Variants in DDR2 observed in about 807,000 individuals in gnomAD.
DDR2 encodes the protein discoidin domain receptor tyrosine kinase 2, also known as discoidin domain-containing receptor 2.
DDR2 carries 27 observed loss-of-function variants against 94.9 expected under a neutral mutation model. The ratio of observed to expected loss-of-function variants is 0.28; its 90% CI spans 0.21 to 0.39. The LOEUF (loss-of-function observed/expected upper bound fraction) is 0.39. Among genes scored for constraint, DDR2 ranks in the 10% least tolerant of loss-of-function variants. The pLI, the probability that DDR2 is intolerant of heterozygous loss-of-function variation, is 1.00. For missense variants in DDR2, 783 were observed against 1,076.0 expected (o/e 0.73, Z 3.81); for synonymous variants, 382 against 377.2 (o/e 1.01, Z -0.15).
At chr1:162,705,933 T>G (rs574007828) in intron 2 of DDR2, among the ~76,000 whole-genome samples, 22 of 152,218 alleles carry the variant, frequency 1.4e-4, no homozygotes, top group Non-Finnish European at 2.6e-4. Flanking sequence ...ATGCAAAATA[T>G]TCTTGCCCTT....
chr1:162,756,201 T>C (rs1437648624), intron 7 of DDR2, among the ~76,000 whole-genome samples: 1 of 152,182 alleles, frequency 6.6e-6, no homozygotes, highest in Non-Finnish European at 1.5e-5. Flanking sequence ...CTTTGAAATT[T>C]GTAAAAAGGG....
In DDR2 at chr1:162,780,393, C is replaced by A; in HGVS notation, c.*147C>A. ...CTTTGCCCTCTTTTCCTGGTCACCC[C>A]CACTCCCTACCCCTGACTCATATAC... On this transcript the variant is annotated 3_prime_UTR_variant, in exon 18 of 18. Coordinates refer to ENST00000367921, the MANE Select transcript of DDR2 (RefSeq NM_006182.4). 8.5e-7 allele frequency: 1 copy of A among 1,177,464 alleles called. No homozygotes were observed. Among genetic ancestry groups the A allele is most frequent in the Non-Finnish European group, 1.2e-6 (1 of 818,174 alleles). The allele number at this position is 1,177,464 out of a possible 1,614,324, so 72.9% of individuals were successfully genotyped here.
At chr1:162,773,906 A>C (rs1268638346) in intron 14 of DDR2, among the ~76,000 whole-genome samples, 1 of 152,072 alleles carries the variant, frequency 6.6e-6, no homozygotes, top group African/African-American at 2.4e-5. Flanking sequence ...TTTGGTCTTT[A>C]TACACAGACA....
chr1:162,734,414 C>T (rs1277467896), intron 3 of DDR2, among the ~76,000 whole-genome samples: 3 of 152,196 alleles, frequency 2.0e-5, no homozygotes, highest in African/African-American at 7.2e-5. Flanking sequence ...ATTGGAGATA[C>T]AACAGAGGAA....
intron 14 of DDR2, among the ~76,000 whole-genome samples, chr1:162,774,105 A>G (rs1163352577): frequency 3.3e-5 from 5 of 151,474 alleles, no homozygotes; most frequent in African/African-American, 1.2e-4. Flanking sequence ...TTGGAAAATT[A>G]TCTATGAACC....
chr1:162,738,119 G>T (rs1250108561), intron 3 of DDR2, among the ~76,000 whole-genome samples: 2 of 144,934 alleles, frequency 1.4e-5, no homozygotes, highest in Admixed American at 1.4e-4. Context: ...CAATCAGGCA[G>T]GAGAAGGAAA....
At chr1:162,671,436 G>A (rs1340203847) in intron 2 of DDR2, among the ~76,000 whole-genome samples, 1 of 152,156 alleles carries the variant, frequency 6.6e-6, no homozygotes, top group African/African-American at 2.4e-5. Flanking sequence ...ATTTCCCGAG[G>A]GTTACCATGT....
At chr1:162,681,597 C>A (rs12405522) in intron 2 of DDR2, among the ~76,000 whole-genome samples, 25,028 of 152,080 alleles carry the variant, frequency 0.16, 2,799 homozygotes, top group African/African-American at 0.28. Context: ...AAAGTGCCAG[C>A]AGATTTGGTG....
chr1:162,689,350 A>G (rs1042765718), intron 2 of DDR2, among the ~76,000 whole-genome samples: 3 of 152,170 alleles, frequency 2.0e-5, no homozygotes, highest in Non-Finnish European at 4.4e-5. Context: ...TATTAAGCTT[A>G]TTTTATAACT....
chr1:162,680,277 A>C (rs1659340496), intron 2 of DDR2, among the ~76,000 whole-genome samples: 1 of 152,188 alleles, frequency 6.6e-6, no homozygotes, highest in Non-Finnish European at 1.5e-5. Context: ...TTTACATTTA[A>C]GTCTTTAATC....
rs774169610 is a variant in DDR2, at chr1:162,784,849, G to A, written c.*4603G>A. The A allele has an allele frequency of 3.3e-5, 5 of 152,040 alleles. No homozygotes were observed. Among genetic ancestry groups the A allele is most frequent in the Non-Finnish European group, 4.4e-5 (3 of 68,010 alleles). 9.4% of individuals were successfully genotyped at this position (152,040 alleles called of 1,614,324 possible). A position where few individuals can be genotyped will look rare whatever the true frequency, so the allele number is the denominator to read the frequency against. ...TTTTCGGAACCAGAAAATTAACATT[G>A]GCATAATGCTATTAACTAAACTACA... On this transcript the variant is annotated 3_prime_UTR_variant, in exon 18 of 18. Transcript: ENST00000367921.
chr1:162,731,922 C>A (rs1424913415), intron 3 of DDR2, among the ~76,000 whole-genome samples: 1 of 152,192 alleles, frequency 6.6e-6, no homozygotes, highest in Non-Finnish European at 1.5e-5. Context: ...TTCTTCACTC[C>A]TGATCTGCAT....
At chr1:162,761,496 A>T (rs763668578) in intron 9 of DDR2, 42 bp downstream of exon 9, 1 of 1,613,980 alleles carries the variant, frequency 6.2e-7, no homozygotes, top group South Asian at 1.1e-5. Context: ...GAGCAAGGTG[A>T]TGAAGGAGGA....
At chr1:162,715,974 G>A (rs1475646671) in intron 2 of DDR2, among the ~76,000 whole-genome samples, 2 of 152,166 alleles carry the variant, frequency 1.3e-5, no homozygotes, top group East Asian at 3.8e-4. Context: ...ACACTTAGTA[G>A]GTTTGGCTTA....
In DDR2 at chr1:162,653,492, G is replaced by A. The variant is rs1187927543; in HGVS notation, c.-191-1719G>A. On this transcript the variant is annotated intron_variant, in intron 1 of 17. Coordinates refer to ENST00000367921, the MANE Select transcript of DDR2 (RefSeq NM_006182.4). ...CTTAGGAAGCTGAGGCATGAGAATCGCTTGAACCCGAGAGGCGGAGGTTGC... is the reference window on the plus strand; with the variant it reads ...CTTAGGAAGCTGAGGCATGAGAATCACTTGAACCCGAGAGGCGGAGGTTGC... Among the ~76,000 whole-genome samples the A allele has an allele frequency of 3.9e-5, 6 of 151,932 alleles. No individual in the cohort carries two copies. The East Asian group carries it at 9.7e-4, about 24-fold the overall frequency.
At chr1:162,658,829 A>AAATAAAGAAATAAATAAATAAAT (rs60623253) in intron 2 of DDR2, among the ~76,000 whole-genome samples, 1 of 133,622 alleles carries the variant, frequency 7.5e-6, no homozygotes. Context: ...CCTGTCTCAA[A>AAATAAAGAAATAAATAAATAAAT]AAATAAATAA....
chr1:162,711,800 A>G (rs1419362363), intron 2 of DDR2, among the ~76,000 whole-genome samples: 1 of 140,754 alleles, frequency 7.1e-6, no homozygotes, highest in Non-Finnish European at 1.5e-5. Flanking sequence ...ATACATATAT[A>G]CACACACATG....
chr1:162,744,630 T>A (rs560535558), intron 3 of DDR2, among the ~76,000 whole-genome samples: 45 of 152,298 alleles, frequency 3.0e-4, no homozygotes, highest in Non-Finnish European at 5.6e-4. Context: ...AACCATCATC[T>A]ACATTAGGTA....
intron 2 of DDR2, among the ~76,000 whole-genome samples, chr1:162,703,057 G>T (rs1338228064): frequency 1.3e-5 from 2 of 152,176 alleles, no homozygotes; most frequent in African/African-American, 4.8e-5. Context: ...GGGAACATGT[G>T]TAAAGGAAGA....
Sources: gnomAD v4.1 joint callset for allele counts (sites outside exome capture counted in the v4.1 genomes callset) on GRCh38, gnomAD v4.1.1 for gene constraint, MANE v1.5 for transcripts, NCBI Gene and HGNC (gene_info 2026-07-23, HGNC 2026-07-21) for gene names.